The following HDAC9 variants were observed in gnomAD, a reference collection of about 807,000 sequenced individuals.
HDAC9 encodes histone deacetylase 9.
Under a neutral mutation model 139.4 loss-of-function variants are expected in HDAC9, and 41 were observed. The observed-to-expected ratio is 0.29, with a 90% CI of 0.23 to 0.38. The LOEUF is 0.38. Among genes scored for constraint, HDAC9 ranks in the 10% least tolerant of loss-of-function variants. HDAC9 has a pLI of 1.00. For synonymous variants in HDAC9, 517 were observed against 476.2 expected, an observed-to-expected ratio of 1.09 and a Z score of -1.12; for missense variants, 1,147 against 1,297.0, an observed-to-expected ratio of 0.88 and a Z score of 1.78.
At chr7:18,433,533 A>G (rs192023424) in intron 1 of HDAC9, among the ~76,000 whole-genome samples, 4 of 152,334 alleles carry the variant, frequency 2.6e-5, no homozygotes, top group Admixed American at 2.6e-4. Context: ...GTCTCTGCCC[A>G]AAAGCTCCTA....
At chr7:18,110,960 A>G (rs1783575681) in intron 1 of HDAC9, among the ~76,000 whole-genome samples, 1 of 152,160 alleles carries the variant, frequency 6.6e-6, no homozygotes, top group South Asian at 2.1e-4. Context: ...TTCAGGAGAG[A>G]AACACATTTT....
Position 18,629,335 on chromosome 7 carries a change from TGTC to T in HDAC9, c.665-14_665-12del. The T allele has an allele frequency of 6.6e-7, 1 of 1,504,300 alleles. No homozygotes were observed. The highest frequency in any genetic ancestry group is 8.8e-7 in the Non-Finnish European group (1 of 1,133,488). 93.2% of individuals were successfully genotyped at this position (1,504,300 alleles called of 1,614,324 possible). On this transcript the variant is annotated splice_polypyrimidine_tract_variant and intron_variant, in intron 6 of 25. Coordinates refer to ENST00000686413, the MANE Select transcript of HDAC9 (RefSeq NM_178425.4). The stretch of plus-strand genomic sequence containing the variant: ...TAATTTTTATCTATTTTTTTTTTTT[TGTC>T]TCAATCCCCAGCCTCTGAGCCCAAC...
chr7:18,990,365 T>A (rs1785786647), intron 25 of HDAC9, among the ~76,000 whole-genome samples: 1 of 152,188 alleles, frequency 6.6e-6, no homozygotes, highest in Admixed American at 6.5e-5. Flanking sequence ...TGCTCGTGGG[T>A]CAGGGGTCAG....
intron 12 of HDAC9, among the ~76,000 whole-genome samples, chr7:18,715,539 T>G (rs1466206132): frequency 1.3e-5 from 2 of 152,084 alleles, no homozygotes; most frequent in African/African-American, 2.4e-5. Context: ...TGATGAAAAA[T>G]GTGATTCTCC....
chr7:18,640,105 G>A (rs1394083225), intron 8 of HDAC9, among the ~76,000 whole-genome samples: 2 of 151,786 alleles, frequency 1.3e-5, no homozygotes, highest in Non-Finnish European at 2.9e-5. Context: ...TTTAAAATGT[G>A]AGTGATTACT....
chr7:18,345,148 A>G (rs1782306460), intron 1 of HDAC9, among the ~76,000 whole-genome samples: 1 of 152,066 alleles, frequency 6.6e-6, no homozygotes, highest in South Asian at 2.1e-4. Context: ...ATGACAGGTA[A>G]TAATTTAATC....
At chr7:18,299,060 T>C (rs940759915) in intron 1 of HDAC9, among the ~76,000 whole-genome samples, 8 of 152,086 alleles carry the variant, frequency 5.3e-5, no homozygotes, top group African/African-American at 1.7e-4. Flanking sequence ...ATAATAAAAA[T>C]TCAGTTTATT....
chr7:18,835,464 T>C lies in HDAC9; in HGVS notation c.2467-3T>C, dbSNP rs1796169339. On this transcript the variant is annotated splice_polypyrimidine_tract_variant and splice_region_variant and intron_variant, in intron 19 of 25. Coordinates refer to ENST00000686413, the MANE Select transcript of HDAC9 (RefSeq NM_178425.4). ...TTTGTCGTCTGTTTTCATTTCCCTG[T>C]AGGATGTTCACCATGGAAACGGTAC... 2.5e-6 allele frequency: 4 copies of C among 1,612,498 alleles called. No homozygotes were observed. Among genetic ancestry groups the C allele is most frequent in the Admixed American group, 1.7e-5 (1 of 59,904 alleles).
chr7:18,304,186 C>T (rs1431209627), intron 1 of HDAC9, among the ~76,000 whole-genome samples: 1 of 152,134 alleles, frequency 6.6e-6, no homozygotes, highest in East Asian at 1.9e-4. Flanking sequence ...TTTAAATATA[C>T]CAGGGACTGT....
intron 1 of HDAC9, among the ~76,000 whole-genome samples, chr7:18,112,190 G>A (rs1001164156): frequency 2.6e-5 from 4 of 152,082 alleles, no homozygotes; most frequent in African/African-American, 4.8e-5. Flanking sequence ...GTGTACTACC[G>A]CACATTTCTT....
At chr7:18,240,608 A>G (rs181524681) in intron 2 of HDAC9, among the ~76,000 whole-genome samples, 1 of 151,956 alleles carries the variant, frequency 6.6e-6, no homozygotes, top group African/African-American at 2.4e-5. Flanking sequence ...TTTTTTTTGT[A>G]CAGTATCCAG....
At chr7:18,800,278 G>A (rs1033961116) in intron 17 of HDAC9, among the ~76,000 whole-genome samples, 2 of 152,020 alleles carry the variant, frequency 1.3e-5, no homozygotes, top group African/African-American at 4.8e-5. Context: ...CTTTATAAGA[G>A]GTCTTGACTA....
At chr7:18,515,363 A>G (rs1022298074) in intron 2 of HDAC9, among the ~76,000 whole-genome samples, 1 of 152,228 alleles carries the variant, frequency 6.6e-6, no homozygotes, top group Non-Finnish European at 1.5e-5. Flanking sequence ...ACAAATATTC[A>G]GTATTCTGAG....
At chr7:18,148,513 A>G (rs1786512981) in intron 1 of HDAC9, among the ~76,000 whole-genome samples, 1 of 151,772 alleles carries the variant, frequency 6.6e-6, no homozygotes, top group Admixed American at 6.6e-5. Context: ...CTGGAGTGCA[A>G]TGGTGTGATC....
chr7:18,297,517 A>G (rs1393246499), intron 1 of HDAC9, among the ~76,000 whole-genome samples: 1 of 152,200 alleles, frequency 6.6e-6, no homozygotes, highest in African/African-American at 2.4e-5. Context: ...TTAAAAACTC[A>G]AATTTCATAC....
At chr7:18,440,145 T>G (rs1316372286) in intron 1 of HDAC9, among the ~76,000 whole-genome samples, 4 of 152,016 alleles carry the variant, frequency 2.6e-5, no homozygotes, top group Admixed American at 6.6e-5. Context: ...GTCTTTGGGA[T>G]ACTGTGAAAT....
chr7:18,145,093 T>C (rs924753517), intron 1 of HDAC9, among the ~76,000 whole-genome samples: 1 of 152,244 alleles, frequency 6.6e-6, no homozygotes, highest in Non-Finnish European at 1.5e-5. Context: ...TAAGTGATCC[T>C]GAAGATTTAT....
At chr7:18,715,233 G>C (rs957860676) in intron 12 of HDAC9, among the ~76,000 whole-genome samples, 5 of 144,636 alleles carry the variant, frequency 3.5e-5, no homozygotes, top group African/African-American at 1.3e-4. Flanking sequence ...TCTATTTTAA[G>C]GGGAAAGTGT....
At position 18,793,386 on chromosome 7, in the gene HDAC9, T is replaced by C. The variant is rs1220388470; in HGVS notation, c.2256T>C (p.Gly752=). 7 of 1,586,216 alleles carry C rather than the reference T, an allele frequency of 4.4e-6. No individual in the cohort carries two copies. In the South Asian group the frequency reaches 7.0e-5, roughly 16 times the overall value. Residue 752 remains glycine, a synonymous_variant, in exon 17 of 26, where the codon GGT becomes GGC. Coordinates refer to ENST00000686413, the MANE Select transcript of HDAC9 (RefSeq NM_178425.4). ...DTIWNELHSS[G]AARMAVGCVI... is the part of the protein sequence containing the mutation. ...TTTGGAATGAGCTACACTCGTCCGGTGCTGCACGCATGGCTGTTGGCTGTG... is the reference window on the plus strand; with the variant it reads ...TTTGGAATGAGCTACACTCGTCCGGCGCTGCACGCATGGCTGTTGGCTGTG...
Sources: gnomAD v4.1 joint callset for allele counts (sites outside exome capture counted in the v4.1 genomes callset) on GRCh38, gnomAD v4.1.1 for gene constraint, MANE v1.5 for transcripts, NCBI Gene and HGNC (gene_info 2026-07-23, HGNC 2026-07-21) for gene names.